SEC22C: variants seen among roughly 807,000 people sequenced by gnomAD.
SEC22C encodes the protein SEC22 homolog C, vesicle trafficking protein.
In SEC22C, 29 loss-of-function variants were observed where a neutral mutation model predicts 34.7. The ratio of observed to expected loss-of-function variants is 0.84; its 90% CI spans 0.62 to 1.14. SEC22C has a LOEUF of 1.14. SEC22C is among the 50% of genes most tolerant of loss of function. The pLI is 0.00. For missense variants in SEC22C, 337 were observed against 369.0 expected (o/e 0.91, Z 0.71); for synonymous variants, 117 against 132.8 (o/e 0.88, Z 0.82).
intron 1 of SEC22C, among the ~76,000 whole-genome samples, chr3:42,596,625 G>A (rs754592988): frequency 6.6e-6 from 1 of 152,206 alleles, no homozygotes; most frequent in Non-Finnish European, 1.5e-5. Flanking sequence ...TGTCCCAGGA[G>A]TTTCTTCACC....
chr3:42,557,685 G>A lies in SEC22C; in HGVS notation c.538C>T (p.Arg180Ter), dbSNP rs372452748. ...CCCAGGGCTGTCACTGGTTCCATTC[G>A]GAAATTAGGAGCTTCACAATGGAAA... ...PMHLEPAPNF[R>*]MEPVTALGIL... The change falls in exon 5 of 7, where the codon CGA becomes TGA. Residue 180 changes from arginine to a stop codon, truncating the protein, a stop_gained. Coordinates refer to ENST00000264454, the MANE Select transcript of SEC22C (RefSeq NM_032970.4). LOFTEE classifies it high-confidence loss of function. 1.3e-5 allele frequency: 20 copies of A among 1,569,738 alleles called. No homozygotes were observed. In the South Asian group the frequency reaches 1.7e-4, roughly 13 times the overall value.
At chr3:42,589,766 A>G (rs983049151) in intron 1 of SEC22C, among the ~76,000 whole-genome samples, 5 of 152,196 alleles carry the variant, frequency 3.3e-5, no homozygotes, top group Non-Finnish European at 7.4e-5. Context: ...ACCTCCGTGG[A>G]AGACAAGAAA....
intron 1 of SEC22C, among the ~76,000 whole-genome samples, chr3:42,598,294 C>T (rs192904755): frequency 6.6e-6 from 1 of 151,924 alleles, no homozygotes; most frequent in Admixed American, 6.6e-5. Context: ...GGAAGACATG[C>T]TGAGTGAAAT....
chr3:42,576,178 T>C (rs1420962844), intron 1 of SEC22C, among the ~76,000 whole-genome samples: 1 of 150,574 alleles, frequency 6.6e-6, no homozygotes, highest in African/African-American at 2.4e-5. Context: ...TGAAAATATA[T>C]CAAAATTTGT....
Position 42,555,972 on chromosome 3 carries a change from G to A in SEC22C, c.669C>T (p.Asn223=). The A allele has an allele frequency of 6.2e-7, 1 of 1,613,504 alleles. No individual in the cohort carries two copies. The highest frequency in any genetic ancestry group is 8.5e-7 in the Non-Finnish European group (1 of 1,179,724). The change falls in exon 6 of 7, where the codon AAC becomes AAT. Residue 223 remains asparagine (N), a synonymous_variant. Transcript: ENST00000264454. ...SLQVAHEEIG[N]ILAFLVPFVA... ...CGAAAGGAACAAGAAAAGCCAGAATGTTTCCAATTTCCTCATGGGCAACCT... is the reference window on the plus strand; with the variant it reads ...CGAAAGGAACAAGAAAAGCCAGAATATTTCCAATTTCCTCATGGGCAACCT...
chr3:42,587,442 A>G (rs530269457), intron 1 of SEC22C: 1 of 152,240 alleles, frequency 6.6e-6, no homozygotes, highest in South Asian at 2.1e-4. Flanking sequence ...TTAAAAAACC[A>G]ATCAGTCCAG....
rs1702101583 is a variant in SEC22C at position 42,548,713 on chromosome 3, G to T, written c.*4535C>A. Reference sequence around the variant, plus strand: ...GCGCTCTGTGCCCAGGGAGTGAAAGGCAGGTCCAGGGTGGGAAGAAGAGGG... The same window carrying T: ...GCGCTCTGTGCCCAGGGAGTGAAAGTCAGGTCCAGGGTGGGAAGAAGAGGG... On this transcript the variant is annotated 3_prime_UTR_variant, in exon 7 of 7. Coordinates refer to ENST00000264454, the MANE Select transcript of SEC22C (RefSeq NM_032970.4). The T allele has an allele frequency of 6.2e-7, 1 of 1,612,966 alleles. No individual in the cohort carries two copies. Among genetic ancestry groups the T allele is most frequent in the Middle Eastern group, 1.7e-4 (1 of 5,978 alleles).
chr3:42,559,215 T>A (rs948986026), intron 4 of SEC22C, among the ~76,000 whole-genome samples: 2 of 152,374 alleles, frequency 1.3e-5, no homozygotes, highest in Non-Finnish European at 2.9e-5. Context: ...ATCCAACTTA[T>A]GCCTATTGTT....
Position 42,563,684 on chromosome 3 carries a change from A to G in SEC22C, c.185T>C (p.Phe62Ser). ...GCAGGCCACGTCCCCGAAAGAAGAAAAACTGAAACAAAAGGGCAATATCTG... is the reference window on the plus strand; with the variant it reads ...GCAGGCCACGTCCCCGAAAGAAGAAGAACTGAAACAAAAGGGCAATATCTG... Reference protein sequence around the residue: ...SAEGCDFSIHFSSFGDVACMA... With the variant: ...SAEGCDFSIHSSSFGDVACMA... The change falls in exon 3 of 7, where the codon TTT becomes TCT. Residue 62 changes from phenylalanine (F) to serine (S), a missense_variant and splice_region_variant. Phe to Ser is a radical substitution (Grantham distance 155). Transcript: ENST00000264454. 6 of 1,613,852 alleles carry G rather than the reference A, an allele frequency of 3.7e-6. No homozygotes were observed. Among genetic ancestry groups the G allele is most frequent in the Non-Finnish European group, 4.2e-6 (5 of 1,179,892 alleles).
intron 1 of SEC22C, among the ~76,000 whole-genome samples, chr3:42,596,818 C>T (rs1302726228): frequency 6.6e-6 from 1 of 152,118 alleles, no homozygotes; most frequent in Non-Finnish European, 1.5e-5. Context: ...TGTCTCAGGT[C>T]ACATAACCAG....
Position 42,551,750 on chromosome 3 carries a change from T to TAA in SEC22C, c.*1496_*1497dup, listed in dbSNP as rs1429664507. 1.0e-6 allele frequency: 1 copy of TAA among 968,476 alleles called. No homozygotes were observed. Among genetic ancestry groups the TAA allele is most frequent in the African/African-American group, 1.8e-5 (1 of 56,914 alleles). The allele number at this position is 968,476 out of a possible 1,614,324, so 60.0% of individuals were successfully genotyped here. A position where few individuals can be genotyped will look rare whatever the true frequency, so the allele number is the denominator to read the frequency against. On this transcript the variant is annotated 3_prime_UTR_variant, in exon 7 of 7. Transcript: ENST00000264454. The stretch of plus-strand genomic sequence containing the variant: ...TCCCAGTATATAAACTTATTTTTCT[T>TAA]AAAATGATAACAAGGTAGCTCAATA...
Position 42,555,957 on chromosome 3 carries a change from A to G in SEC22C, c.684T>C (p.Leu228=). ...HEEIGNILAF[L]VPFVACIFQC... is the part of the protein sequence containing the mutation. The stretch of plus-strand genomic sequence containing the variant: ...GGAAAATGCAGGCTACGAAAGGAAC[A>G]AGAAAAGCCAGAATGTTTCCAATTT... Residue 228 remains leucine (L), a synonymous_variant, in exon 6 of 7, where the codon CTT becomes CTC. Coordinates refer to ENST00000264454, the MANE Select transcript of SEC22C (RefSeq NM_032970.4). 1 of 1,613,860 alleles carries G rather than the reference A, an allele frequency of 6.2e-7. No homozygotes were observed. The highest frequency in any genetic ancestry group is 1.1e-5 in the South Asian group (1 of 90,998).
At chr3:42,597,705 T>G (rs985848621) in intron 1 of SEC22C, among the ~76,000 whole-genome samples, 1 of 152,176 alleles carries the variant, frequency 6.6e-6, no homozygotes, top group East Asian at 1.9e-4. Context: ...TCAAGAAATA[T>G]GAGATTTTGT....
chr3:42,557,716 C>T lies in SEC22C; in HGVS notation c.527-20G>A. 2 of 1,282,370 alleles carry T rather than the reference C, an allele frequency of 1.6e-6. No individual in the cohort carries two copies. The highest frequency in any genetic ancestry group is 4.6e-5 in the East Asian group (2 of 43,236). The allele number at this position is 1,282,370 out of a possible 1,614,324, so 79.4% of individuals were successfully genotyped here. ...TAGGAGCTTCACAATGGAAAAAAAA[C>T]AAGTGTCTAGTGTAAGTAATTTCTA... On this transcript the variant is annotated intron_variant, in intron 4 of 6. Coordinates refer to ENST00000264454, the MANE Select transcript of SEC22C (RefSeq NM_032970.4).
At chr3:42,561,944 T>C (rs946958042) in intron 3 of SEC22C, among the ~76,000 whole-genome samples, 2 of 151,870 alleles carry the variant, frequency 1.3e-5, no homozygotes, top group African/African-American at 4.8e-5. Flanking sequence ...ATTTACAGAA[T>C]ATTTCTAAGC....
chr3:42,548,943 C>G lies in SEC22C; in HGVS notation c.*4305G>C. 1 of 1,214,812 alleles carries G rather than the reference C, an allele frequency of 8.2e-7. No homozygotes were observed. The highest frequency in any genetic ancestry group is 1.0e-6 in the Non-Finnish European group (1 of 969,264). 75.3% of individuals were successfully genotyped at this position (1,214,812 alleles called of 1,614,324 possible). ...CCACTACCACTTTTGACCCTCATAA[C>G]AGCACCCTGGCGGGGGGGCAGATTG... On this transcript the variant is annotated 3_prime_UTR_variant, in exon 7 of 7. Transcript: ENST00000264454.
In SEC22C at chr3:42,550,372, T is replaced by G. The variant is rs974843054; in HGVS notation, c.*2876A>C. The G allele has an allele frequency of 6.1e-6, 6 of 985,320 alleles. No homozygotes were observed. Among genetic ancestry groups the G allele is most frequent in the Admixed American group, 1.2e-4 (2 of 16,264 alleles). 61.0% of individuals were successfully genotyped at this position (985,320 alleles called of 1,614,324 possible). ...GTGGAGTGAGGATAACTCCTGGGAT[T>G]TGGAACCAGTTTGCTGGTATCAAGG... On this transcript the variant is annotated 3_prime_UTR_variant, in exon 7 of 7. Transcript: ENST00000264454.
chr3:42,574,599 T>A (rs1057281695), intron 1 of SEC22C, among the ~76,000 whole-genome samples: 1 of 152,136 alleles, frequency 6.6e-6, no homozygotes, highest in African/African-American at 2.4e-5. Flanking sequence ...AATAATTATG[T>A]CTCATGTGGT....
rs190519941 is a variant in SEC22C, at chr3:42,590,447, G to A, written c.-28+10513C>T. On this transcript the variant is annotated intron_variant, in intron 1 of 6. Coordinates refer to the SEC22C transcript ENST00000417572. ...AGACCGAGACCATCCTGGCTAATAT[G>A]GTGAAACCCCGTCTCTACTAATACA... Among the ~76,000 whole-genome samples, 789 of 152,288 alleles carry A rather than the reference G, an allele frequency of 5.2e-3. 7 individuals carry two copies. The highest frequency in any genetic ancestry group is 0.018 in the African/African-American group (757 of 41,562).
Sources: allele counts gnomAD v4.1 joint callset (sites outside exome capture counted in the v4.1 genomes callset), GRCh38; gene constraint gnomAD v4.1.1; transcripts MANE v1.5; gene names NCBI Gene and HGNC (gene_info 2026-07-23, HGNC 2026-07-21).